The following TCF20 variants were observed in gnomAD, a reference collection of about 807,000 sequenced individuals.
TCF20 encodes SPRE-binding protein.
A neutral mutation model predicts 148.6 loss-of-function variants in TCF20; 3 were observed. That is an observed-to-expected ratio of 0.02 (90% CI 0.01 to 0.05). The LOEUF is 0.05. Among genes scored for constraint, TCF20 ranks in the 10% least tolerant of loss-of-function variants. The pLI, the probability that TCF20 is intolerant of heterozygous loss-of-function variation, is 1.00. For missense variants in TCF20, 2,350 were observed against 2,429.3 expected, an observed-to-expected ratio of 0.97 and a Z score of 0.69; for synonymous variants, 1,049 against 909.5, an observed-to-expected ratio of 1.15 and a Z score of -2.76.
chr22:42,295,442 CTT>C (rs869294446), intron 1 of TCF20, among the ~76,000 whole-genome samples: 20 of 134,604 alleles, frequency 1.5e-4, no homozygotes, highest in African/African-American at 1.4e-4. Flanking sequence ...GTTTTCTTTT[CTT>C]TTTTTTTTTT....
At chr22:42,234,397 A>G (rs780248386) in intron 1 of TCF20, among the ~76,000 whole-genome samples, 13 of 152,214 alleles carry the variant, frequency 8.5e-5, no homozygotes, top group Admixed American at 1.3e-4. Flanking sequence ...ATAAAAGCCA[A>G]TGAACCTTTT....
At chr22:42,323,257 C>A (rs74409020) in intron 1 of TCF20, among the ~76,000 whole-genome samples, 13 of 151,844 alleles carry the variant, frequency 8.6e-5, no homozygotes, top group African/African-American at 2.9e-4. Context: ...CACTGGATAA[C>A]CCACTCCAGA....
chr22:42,270,265 C>A (rs1926531697), intron 1 of TCF20, among the ~76,000 whole-genome samples, 74 bp downstream of exon 1: 1 of 151,554 alleles, frequency 6.6e-6, no homozygotes, highest in South Asian at 2.1e-4. Context: ...GCCCCCGAGG[C>A]CGGACACCCC....
In TCF20 at chr22:42,338,408, C is replaced by T. The variant is rs531211929; in HGVS notation, c.-37+5071G>A. ...GGGGGACACAAAGCTTAAATGGCAG[C>T]GCAGAGTCGGGAGGGGGGTGCCCAG... On this transcript the variant is annotated intron_variant, in intron 1 of 1. Coordinates refer to the TCF20 transcript ENST00000515426. This position sits in a 1 kb window ranked among gnomAD's most constrained non-coding sequence, Gnocchi z 4.0. Among the ~76,000 whole-genome samples, 17 of 123,736 alleles carry T rather than the reference C, an allele frequency of 1.4e-4. No homozygotes were observed. Among genetic ancestry groups the T allele is most frequent in the Non-Finnish European group, 2.7e-4 (16 of 59,512 alleles). The allele number at this position is 123,736 out of a possible 152,430, so 81.2% of individuals were successfully genotyped here. A position where few individuals can be genotyped will look rare whatever the true frequency, so the allele number is the denominator to read the frequency against.
chr22:42,304,968 C>T (rs1927406842), intron 1 of TCF20, among the ~76,000 whole-genome samples: 2 of 152,100 alleles, frequency 1.3e-5, no homozygotes, highest in African/African-American at 4.8e-5. Context: ...TTTGTCTCTA[C>T]AGCTTGTGCT....
Position 42,212,915 on chromosome 22 carries a change from T to C in TCF20, c.2391A>G (p.Glu797=). Residue 797 remains glutamate, a synonymous_variant, in exon 2 of 6, where the codon GAA becomes GAG. Transcript: ENST00000677622. ...RPNVLVSQTN[E]LASRGLLNKS... Reference sequence around the variant, plus strand: ...TGTTCAGAAGGCCCCTGCTAGCTAATTCATTGGTTTGACTAACCAAGACAT... The same window carrying C: ...TGTTCAGAAGGCCCCTGCTAGCTAACTCATTGGTTTGACTAACCAAGACAT... The C allele has an allele frequency of 6.2e-7, 1 of 1,614,190 alleles. No homozygotes were observed. Among genetic ancestry groups the C allele is most frequent in the African/African-American group, 1.3e-5 (1 of 75,060 alleles).
intron 3 of TCF20, among the ~76,000 whole-genome samples, chr22:42,175,415 A>T (rs1936392291): frequency 6.6e-6 from 1 of 152,000 alleles, no homozygotes; most frequent in Admixed American, 6.5e-5. Context: ...ATCTCAGCTC[A>T]CTGCAACCTC....
At chr22:42,252,912 A>G (rs1000200486) in intron 1 of TCF20, among the ~76,000 whole-genome samples, 2 of 152,114 alleles carry the variant, frequency 1.3e-5, no homozygotes, top group African/African-American at 4.8e-5. Context: ...ATTTTTTCAA[A>G]TATTTAATTT....
intron 1 of TCF20, among the ~76,000 whole-genome samples, chr22:42,219,928 C>T (rs1922199496): frequency 6.6e-6 from 1 of 152,118 alleles, no homozygotes; most frequent in Non-Finnish European, 1.5e-5. Context: ...TGTTTTTCTC[C>T]TATATTCCTA....
At chr22:42,225,473 G>A (rs577446400) in intron 1 of TCF20, among the ~76,000 whole-genome samples, 1 of 151,020 alleles carries the variant, frequency 6.6e-6, no homozygotes, top group South Asian at 2.1e-4. Flanking sequence ...AATTAGCCGG[G>A]CGCGGTGGCG....
rs149623101 is a variant in TCF20, at chr22:42,317,785, C to T, written c.-37+25694G>A. ...GCACAGGGCGATCCCTCCCTCACAA[C>T]GCTACAGAGAAAAATGGCAGGCAGC... On this transcript the variant is annotated intron_variant, in intron 1 of 1. Transcript: ENST00000515426. The surrounding 1 kb of genome is among the most constrained non-coding windows in gnomAD (Gnocchi z 4.2). Among the ~76,000 whole-genome samples the T allele has an allele frequency of 2.0e-4, 31 of 152,298 alleles. No individual in the cohort carries two copies. Among genetic ancestry groups the T allele is most frequent in the African/African-American group, 2.9e-4 (12 of 41,566 alleles).
At chr22:42,203,930 A>C (rs1938212534) in intron 2 of TCF20, among the ~76,000 whole-genome samples, 1 of 152,224 alleles carries the variant, frequency 6.6e-6, no homozygotes, top group Non-Finnish European at 1.5e-5. Context: ...CAGGCCCTGG[A>C]AATGACCACC....
intron 1 of TCF20, among the ~76,000 whole-genome samples, chr22:42,335,070 G>A (rs1259916431): frequency 6.6e-6 from 1 of 152,110 alleles, no homozygotes; most frequent in Non-Finnish European, 1.5e-5. Context: ...CCTGGGACCT[G>A]GGCTCCACAG....
At chr22:42,274,003 C>T (rs1017847142), upstream of TCF20, 9 of 152,700 alleles carry the variant, frequency 5.9e-5, no homozygotes, top group Non-Finnish European at 1.2e-4. Context: ...GCCTTCAGAG[C>T]AGGCGGATGT....
chr22:42,283,726 C>T (rs1157458646), intron 1 of TCF20, among the ~76,000 whole-genome samples: 4 of 151,616 alleles, frequency 2.6e-5, no homozygotes, highest in African/African-American at 7.3e-5. Flanking sequence ...CGGGGAGCCT[C>T]GGGCCAGGGC....
At position 42,179,711 on chromosome 22, in the gene TCF20, A is replaced by C; in HGVS notation, c.5656-9T>G. On this transcript the variant is annotated splice_polypyrimidine_tract_variant and intron_variant, in intron 2 of 5. Coordinates refer to ENST00000677622, the MANE Select transcript of TCF20 (RefSeq NM_001378418.1). ...TGGCAGTGGGAACATTTCTGAAAGG[A>C]AGGGAAAAGTCAGGCATGTCAGTAT... The C allele has an allele frequency of 1.9e-6, 3 of 1,607,192 alleles. No homozygotes were observed. The highest frequency in any genetic ancestry group is 2.6e-6 in the Non-Finnish European group (3 of 1,173,846).
chr22:42,227,536 C>CA (rs1486920285), intron 1 of TCF20, among the ~76,000 whole-genome samples: 2 of 152,194 alleles, frequency 1.3e-5, no homozygotes, highest in African/African-American at 4.8e-5. Context: ...AGGAAATCAA[C>CA]ACTGATACTA....
chr22:42,202,740 C>T (rs901967200), intron 2 of TCF20, among the ~76,000 whole-genome samples: 5 of 152,344 alleles, frequency 3.3e-5, no homozygotes, highest in African/African-American at 1.2e-4. Context: ...ATGAAGCAAG[C>T]CGTATCTTTT....
intron 1 of TCF20, among the ~76,000 whole-genome samples, chr22:42,250,571 C>G (rs767585079): frequency 6.6e-6 from 1 of 151,978 alleles, no homozygotes; most frequent in Non-Finnish European, 1.5e-5. Context: ...AGTGATGACC[C>G]ATCCTTGTTT....
Sources: gnomAD v4.1 joint callset for allele counts (sites outside exome capture counted in the v4.1 genomes callset) on GRCh38, gnomAD v4.1.1 for gene constraint, Gnocchi (gnomAD v3.1) non-coding constraint, MANE v1.5 for transcripts, NCBI Gene and HGNC (gene_info 2026-07-23, HGNC 2026-07-21) for gene names.